NCF2: variants seen among roughly 807,000 people sequenced by gnomAD.
NCF2 encodes neutrophil cytosolic factor 2, also known as neutrophil cytosol factor 2.
A neutral mutation model predicts 70.9 loss-of-function variants in NCF2; 45 were observed. The ratio of observed to expected loss-of-function variants is 0.63; its 90% CI spans 0.50 to 0.81. NCF2 has a LOEUF of 0.81. Ranked by LOEUF, NCF2 falls within the 40% of genes least tolerant of loss-of-function variation. The probability of loss-of-function intolerance (pLI) is 0.00; values close to 1 mark genes in which losing one functional copy is unlikely to be tolerated. For synonymous variants in NCF2, 203 were observed against 233.6 expected (o/e 0.87, Z 1.19); for missense variants, 522 against 631.6 (o/e 0.83, Z 1.86).
At chr1:183,597,732 C>A in the NCF2 span, 2 of 152,190 alleles carry the variant, frequency 1.3e-5, no homozygotes, top group Non-Finnish European at 2.9e-5. Flanking sequence ...TTCTGCAAAA[C>A]AAAATTTTTA....
chr1:183,577,769 A>C, intron 2 of NCF2, 62 bp from the exon 3 acceptor site: 1 of 1,177,186 alleles, frequency 8.5e-7, no homozygotes, highest in Non-Finnish European at 1.3e-6. Flanking sequence ...GCAGCATAAA[A>C]TGTGAGTCTG....
intron 5 of NCF2, among the ~76,000 whole-genome samples, chr1:183,571,114 CTTTTTTTTTTT>C (rs66625837): frequency 1.0e-3 from 109 of 106,792 alleles, no homozygotes; most frequent in Admixed American, 1.7e-3. Context: ...ATCAAATTAT[CTTTTTTTTTTT>C]TTTTTTTTTT....
chr1:183,577,896 T>TC (rs1672871615), intron 2 of NCF2, among the ~76,000 whole-genome samples, 189 bp from the exon 3 acceptor site: 1 of 152,168 alleles, frequency 6.6e-6, no homozygotes, highest in East Asian at 1.9e-4. Flanking sequence ...GGGAATGGTG[T>TC]TCCCCCCAGG....
intron 2 of NCF2, among the ~76,000 whole-genome samples, chr1:183,586,124 C>T (rs1258332954): frequency 6.6e-6 from 1 of 152,154 alleles, no homozygotes; most frequent in Non-Finnish European, 1.5e-5. Flanking sequence ...CACCTGAGGT[C>T]GGGAGTTCAA....
upstream of NCF2, among the ~76,000 whole-genome samples, chr1:183,592,888 A>G (rs909829924): frequency 1.3e-5 from 2 of 152,160 alleles, no homozygotes; most frequent in Non-Finnish European, 2.9e-5. Flanking sequence ...TCATTCCTGC[A>G]TCTGTGCGAC....
chr1:183,557,342 G>GT (rs1219042571), intron 14 of NCF2, among the ~76,000 whole-genome samples: 2 of 152,226 alleles, frequency 1.3e-5, no homozygotes, highest in Non-Finnish European at 2.9e-5. Flanking sequence ...CTGGGCAGCA[G>GT]TTTTTTCAAA....
intron 7 of NCF2, among the ~76,000 whole-genome samples, chr1:183,568,168 CTT>C (rs1039117705): frequency 6.2e-5 from 9 of 145,750 alleles, no homozygotes; most frequent in Non-Finnish European, 1.4e-4. Flanking sequence ...ACTTTTGTCA[CTT>C]TTTTTTTTTT....
chr1:183,590,999 G>C (rs1673614892), upstream of NCF2: 1 of 156,726 alleles, frequency 6.4e-6, no homozygotes, highest in Non-Finnish European at 1.4e-5. Flanking sequence ...GCCTTTTCCA[G>C]TACTACCTAT....
intron 3 of NCF2, among the ~76,000 whole-genome samples, chr1:183,575,822 G>A (rs781757344): frequency 4.6e-5 from 7 of 152,212 alleles, no homozygotes; most frequent in Non-Finnish European, 1.0e-4. Context: ...CAGACAGGTG[G>A]AAGGATTGAT....
At chr1:183,589,026 G>A (rs538266239) in intron 1 of NCF2, among the ~76,000 whole-genome samples, 1 of 152,208 alleles carries the variant, frequency 6.6e-6, no homozygotes, top group Non-Finnish European at 1.5e-5. Flanking sequence ...GAGAGGAGGT[G>A]GGGCCATGTC....
intron 2 of NCF2, among the ~76,000 whole-genome samples, chr1:183,584,611 T>C (rs976714699): frequency 6.6e-6 from 1 of 152,214 alleles, no homozygotes; most frequent in African/African-American, 2.4e-5. Flanking sequence ...TTTTGCCAGT[T>C]GTATCTCTTC....
the NCF2 span, among the ~76,000 whole-genome samples, chr1:183,597,048 A>T: frequency 6.6e-6 from 1 of 152,208 alleles, no homozygotes; most frequent in Admixed American, 6.5e-5. Flanking sequence ...CTAACATCTT[A>T]TATCAAAGTC....
chr1:183,597,611 C>T, the NCF2 span, among the ~76,000 whole-genome samples: 4 of 152,192 alleles, frequency 2.6e-5, no homozygotes, highest in Non-Finnish European at 5.9e-5. Context: ...CTTGCCCACC[C>T]GTCTCCTTTC....
intron 2 of NCF2, among the ~76,000 whole-genome samples, chr1:183,584,358 C>T (rs1162510218): frequency 2.0e-5 from 3 of 152,174 alleles, no homozygotes; most frequent in African/African-American, 7.2e-5. Flanking sequence ...CGCAAGAGGG[C>T]CTGCTTGAGG....
chr1:183,573,927 TAAA>T (rs896639631), intron 4 of NCF2, among the ~76,000 whole-genome samples: 1 of 152,128 alleles, frequency 6.6e-6, no homozygotes, highest in African/African-American at 2.4e-5. Context: ...CCGTCTCTAT[TAAA>T]AATACAAAAA....
In NCF2 at chr1:183,562,434, C is replaced by G. The variant is rs909381143; in HGVS notation, c.1290+761G>C. Among the ~76,000 whole-genome samples, 9 of 152,184 alleles carry G rather than the reference C, an allele frequency of 5.9e-5. No individual in the cohort carries two copies. The East Asian group carries it at 1.4e-3, about 23-fold the overall frequency. The stretch of plus-strand genomic sequence containing the variant: ...AGGATCCTGGGGCCTTTTGTCTCAG[C>G]CAGAGACACCAGGGAGTCTCATCCC... On this transcript the variant is annotated intron_variant, in intron 13 of 14. Coordinates refer to ENST00000367535, the MANE Select transcript of NCF2 (RefSeq NM_000433.4).
At position 183,555,877 on chromosome 1, in the gene NCF2, A is replaced by G. The variant is rs1319389103; in HGVS notation, c.*241T>C. The G allele has an allele frequency of 3.3e-5, 19 of 576,260 alleles. No individual in the cohort carries two copies. Among genetic ancestry groups the G allele is most frequent in the Admixed American group, 9.0e-5 (3 of 33,452 alleles). The allele number at this position is 576,260 out of a possible 1,614,324, so 35.7% of individuals were successfully genotyped here. A position where few individuals can be genotyped will look rare whatever the true frequency, so the allele number is the denominator to read the frequency against. ...TCTCGTGCCCTTTCCAGACACTTCC[A>G]TCCACTTTTCCTCTCCCCTAACTCC... On this transcript the variant is annotated 3_prime_UTR_variant, in exon 15 of 15. Transcript: ENST00000367535.
chr1:183,590,394 T>C lies in NCF2; in HGVS notation c.-65A>G. Reference sequence around the variant, plus strand: ...GACAGAGAGAAGACAGGTTGGAGCGTCTCCCCTAGCAGGGCTGCCTTAGTG... The same window carrying C: ...GACAGAGAGAAGACAGGTTGGAGCGCCTCCCCTAGCAGGGCTGCCTTAGTG... On this transcript the variant is annotated 5_prime_UTR_variant, in exon 1 of 15. Coordinates refer to ENST00000367535, the MANE Select transcript of NCF2 (RefSeq NM_000433.4). 6.3e-7 allele frequency: 1 copy of C among 1,595,668 alleles called. No homozygotes were observed. Among genetic ancestry groups the C allele is most frequent in the Non-Finnish European group, 8.6e-7 (1 of 1,165,416 alleles).
chr1:183,574,552 A>G lies in NCF2; in HGVS notation c.436T>C (p.Leu146=), dbSNP rs750697066. 57 of 1,614,108 alleles carry G rather than the reference A, an allele frequency of 3.5e-5. No homozygotes were observed. The highest frequency in any genetic ancestry group is 4.7e-5 in the Non-Finnish European group (55 of 1,180,040). ...GGCTCAGACTTCATGCTCGTGGCCA[A>G]TGCTAACTGTTCTTCAGCTTTTTTC... ...EWKKAEEQLA[L]ATSMKSEPRH... The change falls in exon 4 of 15, where the codon TTG becomes CTG. Residue 146 remains leucine, a synonymous_variant. Coordinates refer to ENST00000367535, the MANE Select transcript of NCF2 (RefSeq NM_000433.4).
Sources: allele counts gnomAD v4.1 joint callset (sites outside exome capture counted in the v4.1 genomes callset), GRCh38; gene constraint gnomAD v4.1.1; transcripts MANE v1.5; gene names NCBI Gene and HGNC (gene_info 2026-07-23, HGNC 2026-07-21).